TMEM237: variants seen among roughly 807,000 people sequenced by gnomAD.
TMEM237 encodes transmembrane protein 237.
A neutral mutation model predicts 59.1 loss-of-function variants in TMEM237; 51 were observed. That is an observed-to-expected ratio of 0.86 (90% CI 0.69 to 1.09). The LOEUF (loss-of-function observed/expected upper bound fraction) is 1.09, where lower values mean the gene tolerates loss of function less well. Ranked by LOEUF, TMEM237 falls within the 50% of genes least tolerant of loss-of-function variation. The pLI, the probability that TMEM237 is intolerant of heterozygous loss-of-function variation, is 0.00. For synonymous variants in TMEM237, 140 were observed against 166.1 expected (o/e 0.84, Z 1.21); for missense variants, 475 against 478.3 (o/e 0.99, Z 0.06).
At chr2:201,634,887 C>T (rs576223977) in intron 5 of TMEM237, 109 of 450,704 alleles carry the variant, frequency 2.4e-4, no homozygotes, top group South Asian at 1.2e-3. Context: ...TCAAGACACG[C>T]CGTTTTCTAG....
Position 201,643,282 on chromosome 2 carries a change from A to G in TMEM237, c.42+77T>C. ...ATTCCCAGCTCGTTGGCGCCCCCCC[A>G]CACACACCCACCCCCACTGCCAAGT... On this transcript the variant is annotated intron_variant, in intron 1 of 12. Coordinates refer to ENST00000409883, the MANE Select transcript of TMEM237 (RefSeq NM_001044385.3). This position sits in a 1 kb window ranked among gnomAD's most constrained non-coding sequence, Gnocchi z 4.3. 4.1e-6 allele frequency: 3 copies of G among 736,826 alleles called. No individual in the cohort carries two copies. Among genetic ancestry groups the G allele is most frequent in the East Asian group, 3.7e-5 (1 of 27,232 alleles). The allele number at this position is 736,826 out of a possible 1,614,324, so 45.6% of individuals were successfully genotyped here.
Position 201,623,824 on chromosome 2 carries a change from T to C in TMEM237, c.*431A>G, listed in dbSNP as rs1018945950. The C allele has an allele frequency of 6.5e-6, 1 of 153,230 alleles. No homozygotes were observed. The highest frequency in any genetic ancestry group is 1.5e-5 in the Non-Finnish European group (1 of 68,506). 9.5% of individuals were successfully genotyped at this position (153,230 alleles called of 1,614,324 possible). ...GTTTCAGAAAAGACAAACTTCATATTTCAATTTATTCAGTAAGGGGAGGTC... is the reference window on the plus strand; with the variant it reads ...GTTTCAGAAAAGACAAACTTCATATCTCAATTTATTCAGTAAGGGGAGGTC... On this transcript the variant is annotated 3_prime_UTR_variant, in exon 13 of 13. Transcript: ENST00000409883.
In TMEM237 at chr2:201,628,054, T is replaced by C; in HGVS notation, c.943+22A>G. The C allele has an allele frequency of 3.8e-6, 6 of 1,581,592 alleles. No homozygotes were observed. The South Asian group carries it at 4.6e-5, about 12-fold the overall frequency. On this transcript the variant is annotated intron_variant, in intron 10 of 12. Transcript: ENST00000409883. Reference sequence around the variant, plus strand: ...GTATAACTGAAGTATTACACAGTTATCATGTTAAACTGCTTACTCACAGAA... The same window carrying C: ...GTATAACTGAAGTATTACACAGTTACCATGTTAAACTGCTTACTCACAGAA...
In TMEM237 at chr2:201,640,886, T is replaced by C; in HGVS notation, c.74+7A>G. The C allele has an allele frequency of 6.3e-7, 1 of 1,586,870 alleles. No individual in the cohort carries two copies. The highest frequency in any genetic ancestry group is 8.6e-7 in the Non-Finnish European group (1 of 1,162,086). On this transcript the variant is annotated splice_region_variant and intron_variant, in intron 2 of 12. Transcript: ENST00000409883. ...TCAATAATGAAATTACTGTAAATTA[T>C]TTTTACCTTGGCACAGGTGGAAGAG...
Position 201,624,006 on chromosome 2 carries a change from A to G in TMEM237, c.*249T>C. ...AACTGTTTTGAGAAAATAGGAAATA[A>G]ACACTTTCACTTGCTGGTTTCTAGT... On this transcript the variant is annotated 3_prime_UTR_variant, in exon 13 of 13. Transcript: ENST00000409883. 2 of 324,422 alleles carry G rather than the reference A, an allele frequency of 6.2e-6. No homozygotes were observed. Among genetic ancestry groups the G allele is most frequent in the Non-Finnish European group, 1.1e-5 (2 of 178,590 alleles). The allele number at this position is 324,422 out of a possible 1,614,324, so 20.1% of individuals were successfully genotyped here. A position where few individuals can be genotyped will look rare whatever the true frequency, so the allele number is the denominator to read the frequency against.
At chr2:201,626,400 A>C (rs1201992046) in intron 11 of TMEM237, 2 of 281,612 alleles carry the variant, frequency 7.1e-6, no homozygotes, top group East Asian at 1.2e-4. Context: ...TTCCCAAGAA[A>C]ATTCTCTAAA....
intron 1 of TMEM237, chr2:201,642,699 G>C: frequency 6.3e-7 from 1 of 1,583,204 alleles, no homozygotes; most frequent in Non-Finnish European, 8.6e-7. Context: ...GCTCGGTCGC[G>C]CGCGCAGGCG....
chr2:201,627,484 T>C, intron 10 of TMEM237, 70 bp from the exon 11 acceptor site: 1 of 1,034,894 alleles, frequency 9.7e-7, no homozygotes, highest in South Asian at 1.5e-5. Context: ...TATAGATTAA[T>C]ATCGAAAATA....
intron 1 of TMEM237, chr2:201,642,724 G>A (rs1687452373): frequency 2.6e-6 from 4 of 1,532,932 alleles, no homozygotes; most frequent in Non-Finnish European, 3.5e-6. Context: ...GCGTCATCGG[G>A]CCGCGCCGCC....
chr2:201,628,119 G>T lies in TMEM237; in HGVS notation c.900C>A (p.Ile300=). 2 of 1,607,054 alleles carry T rather than the reference G, an allele frequency of 1.2e-6. No homozygotes were observed. The highest frequency in any genetic ancestry group is 1.7e-6 in the Non-Finnish European group (2 of 1,176,644). Residue 300 remains isoleucine, a synonymous_variant, in exon 10 of 13, where the codon ATC becomes ATA. Transcript: ENST00000409883. ...RIDFAKISVA[I]RNFLALDPTA... is the part of the protein sequence containing the mutation. ...TAGGATCCAGGGCCAAAAAATTTCG[G>T]ATTGCTACTGATATTTTAGCAAAGT...
rs138331996 is a variant in TMEM237, at chr2:201,629,667, T to G, written c.677+62A>C. 4.7e-5 allele frequency: 73 copies of G among 1,561,140 alleles called. 1 individual carries two copies. The Middle Eastern group carries it at 1.9e-3, about 41-fold the overall frequency. The stretch of plus-strand genomic sequence containing the variant: ...TACTGAACAACCAAGAGGTTATTTT[T>G]TTCTTTAATTACAGAACTCAGTTAA... On this transcript the variant is annotated intron_variant, in intron 8 of 12. Coordinates refer to ENST00000409883, the MANE Select transcript of TMEM237 (RefSeq NM_001044385.3).
intron 5 of TMEM237, among the ~76,000 whole-genome samples, chr2:201,633,904 G>A (rs1687233045): frequency 6.6e-6 from 1 of 152,238 alleles, no homozygotes; most frequent in East Asian, 1.9e-4. Flanking sequence ...GTAATGAGTT[G>A]TGACAACACA....
At chr2:201,634,325 T>C (rs1687252693) in intron 5 of TMEM237, 2 of 152,216 alleles carry the variant, frequency 1.3e-5, no homozygotes, top group South Asian at 4.1e-4. Context: ...GACCTTACAA[T>C]TCTATTGTAA....
chr2:201,632,525 G>T (rs1284482699), intron 6 of TMEM237, among the ~76,000 whole-genome samples: 3 of 152,154 alleles, frequency 2.0e-5, no homozygotes, highest in Non-Finnish European at 4.4e-5. Flanking sequence ...ATCTTGAATT[G>T]TAATAATCCC....
At chr2:201,642,690 C>T in intron 1 of TMEM237, 2 of 1,594,724 alleles carry the variant, frequency 1.3e-6, no homozygotes, top group East Asian at 4.6e-5. Flanking sequence ...CCCCTCCCGG[C>T]TCGGTCGCGC....
At chr2:201,640,821 A>C in intron 2 of TMEM237, 72 bp downstream of exon 2, 1 of 1,249,986 alleles carries the variant, frequency 8.0e-7, no homozygotes, top group Non-Finnish European at 1.1e-6. Context: ...CAATGATACT[A>C]GTCAATTTTT....
In TMEM237 at chr2:201,629,338, T is replaced by C. The variant is rs777686525; in HGVS notation, c.761A>G (p.Gln254Arg). The C allele has an allele frequency of 6.2e-7, 1 of 1,611,606 alleles. No homozygotes were observed. Among genetic ancestry groups the C allele is most frequent in the South Asian group, 1.1e-5 (1 of 90,438 alleles). ...IVVIYVLAGD[Q>R]LSNLSNLLQQ... ...CAGAAGGTTTGAGAGGTTGGATAGC[T>C]GATCTCCTGCTAGAACATATATCAC... Residue 254 changes from glutamine (Q) to arginine (R), a missense_variant, in exon 9 of 13, where the codon CAG becomes CGG. Transcript: ENST00000409883.
Position 201,638,736 on chromosome 2 carries a change from A to G in TMEM237, c.136+253T>C, listed in dbSNP as rs966308983. 9.8e-6 allele frequency: 5 copies of G among 508,308 alleles called. No individual in the cohort carries two copies. In the Admixed American group the frequency reaches 1.8e-4, roughly 18 times the overall value. 31.5% of individuals were successfully genotyped at this position (508,308 alleles called of 1,614,324 possible). On this transcript the variant is annotated intron_variant, in intron 4 of 12. Transcript: ENST00000409883. ...AAAAGACCTTAAAGAGTCCAGGAAT[A>G]TCATGGAAATAGGAGCTTAGATGGC... is the stretch of plus-strand genomic sequence containing the variant.
chr2:201,633,911 C>T (rs1046853898), intron 5 of TMEM237, among the ~76,000 whole-genome samples: 1 of 152,156 alleles, frequency 6.6e-6, no homozygotes, highest in African/African-American at 2.4e-5. Flanking sequence ...GTTGTGACAA[C>T]ACATGTGACA....
Sources: allele counts gnomAD v4.1 joint callset (sites outside exome capture counted in the v4.1 genomes callset), GRCh38; gene constraint gnomAD v4.1.1; non-coding constraint Gnocchi (gnomAD v3.1); transcripts MANE v1.5; gene names NCBI Gene and HGNC (gene_info 2026-07-23, HGNC 2026-07-21).